Variants in AKAP6 observed in about 807,000 individuals in gnomAD.
AKAP6 encodes the protein A-kinase anchoring protein 6.
AKAP6 carries 58 observed loss-of-function variants against 188.5 expected under a neutral mutation model. The ratio of observed to expected loss-of-function variants is 0.31; its 90% CI spans 0.25 to 0.38. AKAP6 has a LOEUF of 0.38. Ranked by LOEUF, AKAP6 falls within the 10% of genes least tolerant of loss-of-function variation. AKAP6 has a pLI of 1.00. For missense variants in AKAP6, 2,710 were observed against 2,740.0 expected (o/e 0.99, Z 0.24); for synonymous variants, 989 against 998.6 (o/e 0.99, Z 0.18).
At chr14:32,490,504 A>C (rs1879954310) in intron 2 of AKAP6, among the ~76,000 whole-genome samples, 1 of 152,196 alleles carries the variant, frequency 6.6e-6, no homozygotes. Flanking sequence ...AGCCAAATTC[A>C]TCTTACGAGG....
intron 11 of AKAP6, among the ~76,000 whole-genome samples, chr14:32,750,752 T>TG (rs58221365): frequency 2.3e-5 from 3 of 128,510 alleles, no homozygotes; most frequent in Non-Finnish European, 4.6e-5. Flanking sequence ...TTTTTTTTTG[T>TG]TTTTTTTTCA....
intron 5 of AKAP6, among the ~76,000 whole-genome samples, chr14:32,580,674 G>A (rs1163901462): frequency 6.6e-6 from 1 of 152,030 alleles, no homozygotes; most frequent in African/African-American, 2.4e-5. Flanking sequence ...TTTAGCATTA[G>A]GTATATCTCC....
At chr14:32,681,902 C>G (rs1447521654) in intron 8 of AKAP6, among the ~76,000 whole-genome samples, 1 of 152,034 alleles carries the variant, frequency 6.6e-6, no homozygotes, top group Non-Finnish European at 1.5e-5. Context: ...CTGAATTTGA[C>G]AAACATTTTA....
At chr14:32,342,385 C>T (rs1333222593) in intron 1 of AKAP6, among the ~76,000 whole-genome samples, 1 of 152,116 alleles carries the variant, frequency 6.6e-6, no homozygotes, top group Non-Finnish European at 1.5e-5. Context: ...CCATGTCTAC[C>T]CTCACCTAAG....
intron 4 of AKAP6, among the ~76,000 whole-genome samples, chr14:32,560,693 C>T (rs1183459052): frequency 2.6e-5 from 4 of 152,114 alleles, no homozygotes; most frequent in Admixed American, 2.6e-4. Flanking sequence ...TGGATAAACT[C>T]AACATTGCGT....
At chr14:32,462,980 T>TAA (rs71115073) in intron 2 of AKAP6, among the ~76,000 whole-genome samples, 2 of 115,132 alleles carry the variant, frequency 1.7e-5, no homozygotes, top group East Asian at 5.1e-4. Flanking sequence ...CAACAAAGAT[T>TAA]AAAAAAAAAA....
chr14:32,376,218 C>T (rs1481976850), intron 1 of AKAP6, among the ~76,000 whole-genome samples: 2 of 152,226 alleles, frequency 1.3e-5, no homozygotes, highest in Non-Finnish European at 2.9e-5. Flanking sequence ...CTTATTTGAC[C>T]TTGGGGCACC....
chr14:32,667,368 A>T (rs1888987681), intron 7 of AKAP6, among the ~76,000 whole-genome samples: 1 of 152,052 alleles, frequency 6.6e-6, no homozygotes, highest in Non-Finnish European at 1.5e-5. Context: ...CCCTACTGAC[A>T]CACTGTTATG....
At chr14:32,708,529 C>T (rs189216659) in intron 9 of AKAP6, among the ~76,000 whole-genome samples, 2 of 152,064 alleles carry the variant, frequency 1.3e-5, no homozygotes, top group East Asian at 3.9e-4. Flanking sequence ...GCTCTAATAC[C>T]AGGAGAGGGC....
At chr14:32,441,038 T>C (rs1024937072) in intron 2 of AKAP6, among the ~76,000 whole-genome samples, 3 of 152,174 alleles carry the variant, frequency 2.0e-5, no homozygotes, top group Non-Finnish European at 2.9e-5. Flanking sequence ...AGGTGCCATA[T>C]TGGAAGCAGA....
At chr14:32,335,842 C>CTTTTTTT (rs375076849) in intron 1 of AKAP6, among the ~76,000 whole-genome samples, 36 of 93,996 alleles carry the variant, frequency 3.8e-4, no homozygotes, top group African/African-American at 8.2e-4. Context: ...TCCTTTTCTC[C>CTTTTTTT]TTTTTTTTTT....
Position 32,824,458 on chromosome 14 carries a change from T to C in AKAP6, c.6645T>C (p.Ser2215=), listed in dbSNP as rs150855121. The part of the protein sequence containing the change: ...ADDADTVALS[S]PSSQERAEVG... The stretch of plus-strand genomic sequence containing the variant: ...ATGCAGATACAGTGGCTCTTTCAAG[T>C]CCTTCCTCTCAGGAAAGAGCTGAGG... The change falls in exon 13 of 14, where the codon AGT becomes AGC. Residue 2215 remains serine (S), a synonymous_variant. Transcript: ENST00000280979. 1.0e-4 allele frequency: 167 copies of C among 1,613,932 alleles called. No individual in the cohort carries two copies. Among genetic ancestry groups the C allele is most frequent in the Non-Finnish European group, 1.4e-4 (162 of 1,179,936 alleles).
chr14:32,623,456 C>T (rs1566610797), intron 7 of AKAP6, among the ~76,000 whole-genome samples: 1 of 152,070 alleles, frequency 6.6e-6, no homozygotes, highest in South Asian at 2.1e-4. Flanking sequence ...TCCCACATCC[C>T]CCTACTTCTT....
chr14:32,781,117 T>C (rs1256689799), intron 12 of AKAP6, among the ~76,000 whole-genome samples: 3 of 149,586 alleles, frequency 2.0e-5, no homozygotes, highest in Non-Finnish European at 4.5e-5. Flanking sequence ...ACAGAAAAAA[T>C]AATAAAGAAA....
At chr14:32,777,511 A>G (rs892115973) in intron 12 of AKAP6, among the ~76,000 whole-genome samples, 2 of 152,204 alleles carry the variant, frequency 1.3e-5, no homozygotes, top group Admixed American at 1.3e-4. Flanking sequence ...CTGAAATCAC[A>G]TTATAAAGAG....
intron 11 of AKAP6, among the ~76,000 whole-genome samples, chr14:32,757,402 G>T (rs1319661891): frequency 6.6e-6 from 1 of 152,054 alleles, no homozygotes; most frequent in East Asian, 1.9e-4. Flanking sequence ...AGAGGGAGGA[G>T]GTCTTCTGAG....
chr14:32,699,186 A>G (rs373936157), intron 9 of AKAP6, among the ~76,000 whole-genome samples: 10 of 152,256 alleles, frequency 6.6e-5, no homozygotes, highest in East Asian at 5.8e-4. Flanking sequence ...ATATATTTTT[A>G]TATCCTGATT....
chr14:32,575,283 A>G (rs992110951), intron 4 of AKAP6, among the ~76,000 whole-genome samples: 1 of 152,166 alleles, frequency 6.6e-6, no homozygotes, highest in Non-Finnish European at 1.5e-5. Context: ...GATTCTTGGC[A>G]TTTGGAAAGA....
intron 2 of AKAP6, among the ~76,000 whole-genome samples, chr14:32,460,496 C>A (rs143784900): frequency 4.7e-4 from 71 of 152,318 alleles, no homozygotes; most frequent in Non-Finnish European, 8.8e-4. Flanking sequence ...GGGGACCTCC[C>A]TCCCCCAGCC....
Sources: gnomAD v4.1 joint callset for allele counts (sites outside exome capture counted in the v4.1 genomes callset) on GRCh38, gnomAD v4.1.1 for gene constraint, MANE v1.5 for transcripts, NCBI Gene and HGNC (gene_info 2026-07-23, HGNC 2026-07-21) for gene names.